Variants in CDH18 observed in about 807,000 individuals in gnomAD.
The protein encoded by CDH18 is cadherin-18.
Under a neutral mutation model 67.9 loss-of-function variants are expected in CDH18, and 31 were observed. That is an observed-to-expected ratio of 0.46 (90% CI 0.34 to 0.62). The LOEUF is 0.62. CDH18 is among the 20% of genes least tolerant of loss of function. CDH18 has a pLI of 0.01. For missense variants in CDH18, 890 were observed against 975.5 expected, an observed-to-expected ratio of 0.91 and a Z score of 1.17; for synonymous variants, 362 against 347.2, an observed-to-expected ratio of 1.04 and a Z score of -0.48.
At chr5:19,573,175 T>C (rs1029994455) in intron 7 of CDH18, among the ~76,000 whole-genome samples, 3 of 152,182 alleles carry the variant, frequency 2.0e-5, no homozygotes, top group Admixed American at 1.3e-4. Context: ...CATTATGAAT[T>C]TCAGATTATA....
intron 3 of CDH18, among the ~76,000 whole-genome samples, chr5:19,752,790 C>CTCTGGTGGAAT (rs1771028930): frequency 6.6e-6 from 1 of 152,158 alleles, no homozygotes; most frequent in South Asian, 2.1e-4. Context: ...ACCTTCCTGC[C>CTCTGGTGGAAT]ACCTCCACCA....
intron 1 of CDH18, among the ~76,000 whole-genome samples, chr5:20,400,166 C>G (rs1003640255): frequency 1.3e-5 from 2 of 152,162 alleles, no homozygotes; most frequent in Non-Finnish European, 2.9e-5. Context: ...AGCTCTGACT[C>G]TGCTTTATCA....
chr5:19,661,060 A>G lies in CDH18; in HGVS notation c.644-48459T>C, dbSNP rs114622809. On this transcript the variant is annotated intron_variant, in intron 5 of 12. Transcript: ENST00000382275. ...ACCAACCAATCAAAGAAAGAAAAAAACAAAAGACAAAGATAAAACAGTAGA... is the reference window on the plus strand; with the variant it reads ...ACCAACCAATCAAAGAAAGAAAAAAGCAAAAGACAAAGATAAAACAGTAGA... 5.1e-3 allele frequency among the ~76,000 whole-genome samples: 783 copies of G among 152,174 alleles called. 7 individuals are homozygous for G. The highest frequency in any genetic ancestry group is 0.018 in the African/African-American group (759 of 41,552).
chr5:19,765,495 AC>A (rs1456986587), intron 3 of CDH18, among the ~76,000 whole-genome samples: 3 of 152,092 alleles, frequency 2.0e-5, no homozygotes, highest in Non-Finnish European at 2.9e-5. Context: ...TGTGAATTAA[AC>A]CATATTATTT....
chr5:20,414,126 C>T (rs898683088), intron 1 of CDH18, among the ~76,000 whole-genome samples: 22 of 152,160 alleles, frequency 1.4e-4, no homozygotes, highest in African/African-American at 4.8e-4. Flanking sequence ...CTGTGGAAAG[C>T]AGTTTGGAAA....
chr5:20,503,286 T>A (rs1754453201), intron 1 of CDH18, among the ~76,000 whole-genome samples: 1 of 151,850 alleles, frequency 6.6e-6, no homozygotes, highest in South Asian at 2.1e-4. Flanking sequence ...GACTTTTTTT[T>A]AATTGATATT....
chr5:20,143,864 T>G (rs756056480), intron 2 of CDH18, among the ~76,000 whole-genome samples: 3 of 152,146 alleles, frequency 2.0e-5, no homozygotes, highest in Non-Finnish European at 2.9e-5. Context: ...GCTGGACAAC[T>G]GCTTGCTAAA....
chr5:19,687,542 C>T (rs964403272), intron 5 of CDH18, among the ~76,000 whole-genome samples: 4 of 152,168 alleles, frequency 2.6e-5, no homozygotes, highest in Non-Finnish European at 5.9e-5. Context: ...ACAAGGGAGC[C>T]ATAGCACATG....
At chr5:20,018,184 A>G (rs544879622) in intron 2 of CDH18, among the ~76,000 whole-genome samples, 3 of 152,300 alleles carry the variant, frequency 2.0e-5, no homozygotes, top group African/African-American at 7.2e-5. Flanking sequence ...TAACTTGACA[A>G]TGTCACACAG....
intron 2 of CDH18, among the ~76,000 whole-genome samples, chr5:19,960,065 C>T (rs12659394): frequency 0.42 from 64,238 of 151,802 alleles, 16,005 homozygotes; most frequent in Middle Eastern, 0.64. Flanking sequence ...AATGTGAAGA[C>T]CTATGACATT....
intron 1 of CDH18, among the ~76,000 whole-genome samples, chr5:20,476,928 A>C (rs1752480596): frequency 6.6e-6 from 1 of 152,208 alleles, no homozygotes; most frequent in African/African-American, 2.4e-5. Flanking sequence ...GTAATGTTGT[A>C]ACAGAGATTT....
At chr5:20,497,358 C>T (rs1224257393) in intron 1 of CDH18, among the ~76,000 whole-genome samples, 3 of 152,046 alleles carry the variant, frequency 2.0e-5, no homozygotes, top group Admixed American at 6.6e-5. Context: ...TGATTGTGGT[C>T]CCATAAGATT....
chr5:19,810,196 G>A (rs1051582444), intron 3 of CDH18, among the ~76,000 whole-genome samples: 4 of 151,890 alleles, frequency 2.6e-5, no homozygotes, highest in Non-Finnish European at 5.9e-5. Context: ...CAGACATGAT[G>A]GCGCACACCT....
At chr5:20,312,120 A>C (rs1416716308) in intron 1 of CDH18, among the ~76,000 whole-genome samples, 1 of 152,128 alleles carries the variant, frequency 6.6e-6, no homozygotes, top group African/African-American at 2.4e-5. Flanking sequence ...GCAACTGTCA[A>C]CTCACAAGAT....
intron 1 of CDH18, among the ~76,000 whole-genome samples, chr5:20,520,388 A>G (rs1280937669): frequency 6.6e-6 from 1 of 152,046 alleles, no homozygotes; most frequent in East Asian, 1.9e-4. Flanking sequence ...CATGCATGCA[A>G]AAGAGAATAT....
rs141621956 is a variant in CDH18, at chr5:19,900,490, T to C, written c.-256-61248A>G. On this transcript the variant is annotated intron_variant, in intron 2 of 12. Coordinates refer to ENST00000382275, the MANE Select transcript of CDH18 (RefSeq NM_004934.5). ...ACCCTGATTCGATCATTGCACAATG[T>C]ATACATGTATCAAACGATAATTTGA... Among the ~76,000 whole-genome samples the C allele has an allele frequency of 3.2e-3, 485 of 152,316 alleles. 2 individuals are homozygous for C. The highest frequency in any genetic ancestry group is 0.01 in the Middle Eastern group (3 of 294).
chr5:19,603,196 A>G (rs1747440813), intron 6 of CDH18, among the ~76,000 whole-genome samples: 1 of 152,162 alleles, frequency 6.6e-6, no homozygotes, highest in Non-Finnish European at 1.5e-5. Context: ...ATAAGTTAAA[A>G]TTTGATACAT....
intron 7 of CDH18, among the ~76,000 whole-genome samples, chr5:19,573,794 A>C (rs762798844): frequency 1.1e-4 from 17 of 152,200 alleles, no homozygotes; most frequent in Non-Finnish European, 1.9e-4. Context: ...AGAGCTGGAC[A>C]GTCAGAATCG....
chr5:19,743,829 G>A (rs1164867958), intron 4 of CDH18, among the ~76,000 whole-genome samples: 1 of 148,642 alleles, frequency 6.7e-6, no homozygotes, highest in African/African-American at 2.5e-5. Context: ...GCTGAGGCAT[G>A]AGAATTGCTT....
Sources: gnomAD v4.1 joint callset for allele counts (sites outside exome capture counted in the v4.1 genomes callset) on GRCh38, gnomAD v4.1.1 for gene constraint, MANE v1.5 for transcripts, NCBI Gene and HGNC (gene_info 2026-07-23, HGNC 2026-07-21) for gene names.